The following PTCD2 variants were observed in gnomAD, a reference collection of about 807,000 sequenced individuals.
PTCD2 encodes the protein pentatricopeptide repeat-containing protein 2, mitochondrial.
Under a neutral mutation model 42.6 loss-of-function variants are expected in PTCD2, and 31 were observed. The ratio of observed to expected loss-of-function variants is 0.73; its 90% CI spans 0.55 to 0.98. The LOEUF is 0.98. Ranked by LOEUF, PTCD2 falls within the 50% of genes least tolerant of loss-of-function variation. The probability of loss-of-function intolerance (pLI) is 0.00; values close to 1 mark genes in which losing one functional copy is unlikely to be tolerated. For missense variants in PTCD2, 476 were observed against 454.8 expected (o/e 1.05, Z -0.42); for synonymous variants, 183 against 170.9 (o/e 1.07, Z -0.55).
At chr5:72,334,528 T>C (rs952264605) in intron 4 of PTCD2, among the ~76,000 whole-genome samples, 2 of 150,120 alleles carry the variant, frequency 1.3e-5, no homozygotes, top group Non-Finnish European at 3.0e-5. Context: ...GCCAAGAGAG[T>C]GGACAGCATT....
intron 4 of PTCD2, among the ~76,000 whole-genome samples, chr5:72,334,550 CTT>C (rs66665974): frequency 3.5e-4 from 51 of 146,414 alleles, no homozygotes; most frequent in Admixed American, 1.0e-3. Flanking sequence ...TAACTTTTTT[CTT>C]TTTTTTTTTT....
At chr5:72,343,698 A>T (rs1353788690) in intron 8 of PTCD2, among the ~76,000 whole-genome samples, 1 of 152,140 alleles carries the variant, frequency 6.6e-6, no homozygotes, top group East Asian at 1.9e-4. Flanking sequence ...ATAGGAAAAA[A>T]AATTATCTCA....
At position 72,340,969 on chromosome 5, in the gene PTCD2, G is replaced by GT. The variant is rs11297261; in HGVS notation, c.754-1980dup. 3.6e-3 allele frequency among the ~76,000 whole-genome samples: 456 copies of GT among 127,204 alleles called. 1 individual carries two copies. Among genetic ancestry groups the GT allele is most frequent in the South Asian group, 0.017 (69 of 4,120 alleles). The allele number at this position is 127,204 out of a possible 152,430, so 83.5% of individuals were successfully genotyped here. On this transcript the variant is annotated intron_variant, in intron 7 of 9. Coordinates refer to ENST00000380639, the MANE Select transcript of PTCD2 (RefSeq NM_024754.5). Reference sequence around the variant, plus strand: ...GGCCAGTTATTTTCTTTTCTTTTCTGTTTTTTTTTTTTTGAGACAGAGTCT... The same window carrying GT: ...GGCCAGTTATTTTCTTTTCTTTTCTGTTTTTTTTTTTTTTGAGACAGAGTCT...
intron 2 of PTCD2, 73 bp from the exon 3 acceptor site, chr5:72,326,539 A>T: frequency 6.4e-7 from 1 of 1,562,332 alleles, no homozygotes; most frequent in Non-Finnish European, 8.7e-7. Context: ...GGGCTTCCCC[A>T]TCTTCCTGAG....
chr5:72,352,834 A>T, intron 9 of PTCD2, 80 bp downstream of exon 9: 1 of 733,788 alleles, frequency 1.4e-6, no homozygotes. Flanking sequence ...TCAATTCTAA[A>T]GCTTACCTTA....
chr5:72,343,971 T>C (rs1213763447), intron 8 of PTCD2, among the ~76,000 whole-genome samples: 8 of 152,052 alleles, frequency 5.3e-5, no homozygotes, highest in African/African-American at 1.9e-4. Context: ...GAAAACATTT[T>C]CAGAAAAATG....
chr5:72,323,265 C>G (rs551350664), intron 2 of PTCD2, among the ~76,000 whole-genome samples: 1 of 152,258 alleles, frequency 6.6e-6, no homozygotes, highest in East Asian at 1.9e-4. Context: ...TGGGTAATGG[C>G]ACTTAGTGAG....
chr5:72,320,666 AC>A (rs1750777718), intron 1 of PTCD2, 157 bp downstream of exon 1: 1 of 982,534 alleles, frequency 1.0e-6, no homozygotes, highest in Non-Finnish European at 1.5e-6. Context: ...TGCAGTGGTG[AC>A]CACTGGGGGT....
At chr5:72,348,698 C>T (rs1429233007) in intron 8 of PTCD2, among the ~76,000 whole-genome samples, 1 of 152,198 alleles carries the variant, frequency 6.6e-6, no homozygotes, top group African/African-American at 2.4e-5. Context: ...GAGACCAGTG[C>T]AGGGTAACTT....
intron 3 of PTCD2, among the ~76,000 whole-genome samples, chr5:72,330,130 C>T (rs898898575): frequency 6.0e-5 from 9 of 150,682 alleles, no homozygotes; most frequent in Admixed American, 3.3e-4. Context: ...TCAGTAGAGA[C>T]GGGGTTTCAC....
intron 8 of PTCD2, among the ~76,000 whole-genome samples, chr5:72,351,816 G>A (rs1484903435): frequency 6.6e-6 from 1 of 152,056 alleles, no homozygotes; most frequent in Non-Finnish European, 1.5e-5. Context: ...AATTTGGGTG[G>A]GGACACAAAG....
intron 1 of PTCD2, 113 bp from the exon 2 acceptor site, chr5:72,322,059 G>A (rs1043512146): frequency 1.4e-5 from 9 of 628,906 alleles, no homozygotes; most frequent in Admixed American, 2.6e-5. Context: ...ATTTGTACCT[G>A]TCTAATGGAT....
intron 2 of PTCD2, among the ~76,000 whole-genome samples, chr5:72,325,259 A>T (rs1426757090): frequency 6.6e-6 from 1 of 152,188 alleles, no homozygotes; most frequent in Non-Finnish European, 1.5e-5. Flanking sequence ...GGAGTACAAG[A>T]TGTAACGTCA....
At chr5:72,353,303 A>G (rs908716216) in intron 9 of PTCD2, among the ~76,000 whole-genome samples, 3 of 152,182 alleles carry the variant, frequency 2.0e-5, no homozygotes, top group East Asian at 3.9e-4. Flanking sequence ...TCTTTTGGCT[A>G]TCATCAGTAT....
intron 3 of PTCD2, 49 bp downstream of exon 3, chr5:72,326,790 T>C (rs1411636946): frequency 1.3e-6 from 2 of 1,584,116 alleles, no homozygotes; most frequent in South Asian, 1.1e-5. Flanking sequence ...TCTTACTCTG[T>C]TCCTTTCTAT....
chr5:72,326,775 T>C, intron 3 of PTCD2, 34 bp downstream of exon 3: 1 of 1,608,280 alleles, frequency 6.2e-7, no homozygotes. Flanking sequence ...GCCACCCTTA[T>C]CCCTTCTTAC....
intron 7 of PTCD2, among the ~76,000 whole-genome samples, chr5:72,342,064 AAAAT>A (rs1041591823): frequency 2.7e-5 from 4 of 146,986 alleles, no homozygotes; most frequent in Non-Finnish European, 4.4e-5. Flanking sequence ...ATAATAAAAT[AAAAT>A]AAATAAATAA....
chr5:72,366,179 G>C lies in PTCD2; in HGVS notation c.*7752G>C, dbSNP rs1486871545. 6.6e-6 allele frequency: 1 copy of C among 152,142 alleles called. No individual in the cohort carries two copies. Among genetic ancestry groups the C allele is most frequent in the Non-Finnish European group, 1.5e-5 (1 of 68,046 alleles). 9.4% of individuals were successfully genotyped at this position (152,142 alleles called of 1,614,324 possible). ...TACAGTGAGCCTAGACTGCGCCATT[G>C]CACTCTAGCCTAGGCGACAAGAGCG... On this transcript the variant is annotated 3_prime_UTR_variant, in exon 10 of 10. Coordinates refer to ENST00000380639, the MANE Select transcript of PTCD2 (RefSeq NM_024754.5).
Position 72,361,324 on chromosome 5 carries a change from T to G in PTCD2, c.*2897T>G, listed in dbSNP as rs574481615. ...TCTTATTCGGGTTCTCATGCAGTTA[T>G]AGTCATCATCAGATTGTGGCCGCGA... On this transcript the variant is annotated 3_prime_UTR_variant, in exon 10 of 10. Transcript: ENST00000380639. The G allele has an allele frequency of 2.6e-5, 4 of 152,294 alleles. No homozygotes were observed. The South Asian group carries it at 8.3e-4, about 32-fold the overall frequency. The allele number at this position is 152,294 out of a possible 1,614,324, so 9.4% of individuals were successfully genotyped here. A position where few individuals can be genotyped will look rare whatever the true frequency, so the allele number is the denominator to read the frequency against.
Sources: allele counts gnomAD v4.1 joint callset (sites outside exome capture counted in the v4.1 genomes callset), GRCh38; gene constraint gnomAD v4.1.1; transcripts MANE v1.5; gene names NCBI Gene and HGNC (gene_info 2026-07-23, HGNC 2026-07-21).